Variants in ARHGEF18 observed in about 807,000 individuals in gnomAD.
ARHGEF18 encodes the protein rho guanine nucleotide exchange factor 18.
ARHGEF18 carries 93 observed loss-of-function variants against 155.7 expected under a neutral mutation model. That is an observed-to-expected ratio of 0.60 (90% CI 0.50 to 0.71). The LOEUF is 0.71. Among genes scored for constraint, ARHGEF18 ranks in the 30% least tolerant of loss-of-function variants. The pLI is 0.00. For synonymous variants in ARHGEF18, 742 were observed against 753.1 expected, an observed-to-expected ratio of 0.99 and a Z score of 0.24; for missense variants, 1,593 against 1,816.1, an observed-to-expected ratio of 0.88 and a Z score of 2.23.
chr19:7,446,911 AGAAG>A (rs1401309385), intron 14 of ARHGEF18, 128 bp from the exon 15 acceptor site: 14 of 856,908 alleles, frequency 1.6e-5, no homozygotes, highest in Admixed American at 3.9e-5. Flanking sequence ...AAAAAAAAAA[AGAAG>A]AAGAAAGAAA....
At chr19:7,433,241 T>C (rs1030370494) in intron 10 of ARHGEF18, among the ~76,000 whole-genome samples, 3 of 148,992 alleles carry the variant, frequency 2.0e-5, no homozygotes, top group South Asian at 4.3e-4. Context: ...CCAAGGCGGG[T>C]GGATCACCTG....
At chr19:7,443,055 ATTTTTTTT>A (rs10600280) in intron 13 of ARHGEF18, among the ~76,000 whole-genome samples, 4 of 81,190 alleles carry the variant, frequency 4.9e-5, no homozygotes, top group Admixed American at 2.9e-4. Flanking sequence ...TGCCCAGCTA[ATTTTTTTT>A]TTTTTTTTTT....
chr19:7,385,181 G>C (rs1970935680), intron 10 of ARHGEF18, among the ~76,000 whole-genome samples: 1 of 152,202 alleles, frequency 6.6e-6, no homozygotes, highest in Non-Finnish European at 1.5e-5. Flanking sequence ...TAAAGCCAGA[G>C]GTCTAGAACC....
At chr19:7,460,062 C>A in intron 20 of ARHGEF18, 68 bp downstream of exon 20, 1 of 1,455,708 alleles carries the variant, frequency 6.9e-7, no homozygotes. Context: ...TCAGGACTGG[C>A]CACAGAGGGT....
Position 7,439,636 on chromosome 19 carries a change from C to T in ARHGEF18, c.968-708C>T, listed in dbSNP as rs984610112. ...CATATGGAACAGAATCGGAGCCTCG[C>T]GTCCACTTCGATGCTAGAATTCTGT... On this transcript the variant is annotated intron_variant, in intron 10 of 28. Transcript: ENST00000668164. 12 of 1,095,424 alleles carry T rather than the reference C, an allele frequency of 1.1e-5. No individual in the cohort carries two copies. In the East Asian group the frequency reaches 1.8e-4, roughly 16 times the overall value. 67.9% of individuals were successfully genotyped at this position (1,095,424 alleles called of 1,614,324 possible).
intron 1 of ARHGEF18, among the ~76,000 whole-genome samples, chr19:7,352,856 A>ATTTT (rs1969193665): frequency 4.5e-4 from 1 of 2,218 alleles, no homozygotes. Context: ...TTTTTTTTTG[A>ATTTT]CATAGACTCT....
In ARHGEF18 at chr19:7,470,139, C is replaced by T. The variant is rs775197129; in HGVS notation, c.3927C>T (p.Pro1309=). 9 of 1,612,140 alleles carry T rather than the reference C, an allele frequency of 5.6e-6. No homozygotes were observed. In the East Asian group the frequency reaches 8.9e-5, roughly 16 times the overall value. Residue 1309 remains proline (P), a synonymous_variant, in exon 29 of 29, where the codon CCC becomes CCT. Coordinates refer to ENST00000668164, the MANE Select transcript of ARHGEF18 (RefSeq NM_001367823.1). This position sits in a 1 kb window ranked among gnomAD's most constrained non-coding sequence, Gnocchi z 5.9. Reference sequence around the variant, plus strand: ...TCTCTGTTCCAGACCCTGGCTTCCCCGCCCCGAGCCCACCGCCAGCTGACA... The same window carrying T: ...TCTCTGTTCCAGACCCTGGCTTCCCTGCCCCGAGCCCACCGCCAGCTGACA... ...SPAPPPDPGF[P]APSPPPADSP...
chr19:7,458,469 G>A (rs1003713225), intron 18 of ARHGEF18, 43 bp from the exon 19 acceptor site: 61 of 1,585,942 alleles, frequency 3.8e-5, no homozygotes, highest in Non-Finnish European at 4.9e-5. Context: ...TTTGGGTGCT[G>A]TGGGGTAAAG....
Position 7,440,254 on chromosome 19 carries a change from G to A in ARHGEF18, c.968-90G>A. 2 of 1,554,120 alleles carry A rather than the reference G, an allele frequency of 1.3e-6. No individual in the cohort carries two copies. Among genetic ancestry groups the A allele is most frequent in the Non-Finnish European group, 1.7e-6 (2 of 1,148,486 alleles). On this transcript the variant is annotated intron_variant, in intron 10 of 28. Coordinates refer to ENST00000668164, the MANE Select transcript of ARHGEF18 (RefSeq NM_001367823.1). The surrounding 1 kb of genome is among the most constrained non-coding windows in gnomAD (Gnocchi z 5.4). ...ACCTCCAAGATCCTGTCTGTGCTGC[G>A]GCCGCAGTCGGAGCGGGGCTTCCGC...
chr19:7,415,148 C>T (rs1972928101), intron 10 of ARHGEF18, among the ~76,000 whole-genome samples: 2 of 152,190 alleles, frequency 1.3e-5, no homozygotes, highest in African/African-American at 4.8e-5. Context: ...GACCCAAGGA[C>T]CTTAGTTCCA....
chr19:7,407,385 C>T (rs1972381317), intron 10 of ARHGEF18, among the ~76,000 whole-genome samples: 1 of 150,720 alleles, frequency 6.6e-6, no homozygotes, highest in African/African-American at 2.5e-5. Flanking sequence ...GAGATTGAGC[C>T]ACTGTACCCC....
At chr19:7,439,788 C>T in intron 10 of ARHGEF18, 2 of 1,420,194 alleles carry the variant, frequency 1.4e-6, no homozygotes. Context: ...GCACGCCAGG[C>T]TCACCGTTTC....
rs1976402010 is a variant in ARHGEF18 at position 7,463,260 on chromosome 19, C to T, written c.2636-558C>T. On this transcript the variant is annotated intron_variant, in intron 21 of 28. Transcript: ENST00000668164. The surrounding 1 kb of genome is among the most constrained non-coding windows in gnomAD (Gnocchi z 5.2). ...TCCAGGCCCACTGACATCCTTCCAC[C>T]CGGCTCCAGTGGCCATTGTTCTTGG... Among the ~76,000 whole-genome samples, 2 of 152,300 alleles carry T rather than the reference C, an allele frequency of 1.3e-5. No homozygotes were observed. The highest frequency in any genetic ancestry group is 2.1e-4 in the South Asian group (1 of 4,826).
chr19:7,466,833 A>AT, intron 23 of ARHGEF18, 85 bp from the exon 24 acceptor site: 1 of 1,051,456 alleles, frequency 9.5e-7, no homozygotes, highest in Admixed American at 2.7e-5. Flanking sequence ...AAAAGTTAAA[A>AT]AAAAAGAAGA....
rs1225109593 is a variant in ARHGEF18, at chr19:7,416,678, C to G, written c.968-23666C>G. 4.0e-5 allele frequency among the ~76,000 whole-genome samples: 6 copies of G among 149,016 alleles called. 1 individual carries two copies. The East Asian group carries it at 1.2e-3, about 30-fold the overall frequency. ...AGTGCAGTGGCACGATCTTGGCTCA[C>G]TGCAAACTCTGCCTCCCGGGTTCAC... On this transcript the variant is annotated intron_variant, in intron 10 of 28. Transcript: ENST00000668164.
intron 10 of ARHGEF18, among the ~76,000 whole-genome samples, chr19:7,408,266 G>C (rs1049009251): frequency 2.0e-5 from 3 of 152,136 alleles, no homozygotes; most frequent in African/African-American, 7.2e-5. Context: ...GATAAAGTGA[G>C]ACCCTGTTTC....
intron 10 of ARHGEF18, among the ~76,000 whole-genome samples, chr19:7,389,618 C>T (rs1009988469): frequency 2.2e-4 from 33 of 151,544 alleles, no homozygotes; most frequent in African/African-American, 8.0e-4. Flanking sequence ...ACTGCAACCT[C>T]CACCTCCTGG....
intron 3 of ARHGEF18, among the ~76,000 whole-genome samples, chr19:7,375,387 G>GAAGAAAGGAAGA: frequency 6.9e-6 from 1 of 144,468 alleles, no homozygotes; most frequent in East Asian, 2.0e-4. Flanking sequence ...GAAAGAAAAG[G>GAAGAAAGGAAGA]AAGGAAGGAA....
Position 7,463,809 on chromosome 19 carries a change from C to G in ARHGEF18, c.2636-9C>G. 1.2e-6 allele frequency: 2 copies of G among 1,603,104 alleles called. No homozygotes were observed. Among genetic ancestry groups the G allele is most frequent in the Admixed American group, 3.4e-5 (2 of 58,588 alleles). ...GCGACCCGTGCCTCCTGTCCCCTTC[C>G]TTCCACAGTCGAGGGCATCCAGAGC... On this transcript the variant is annotated splice_polypyrimidine_tract_variant and intron_variant, in intron 21 of 28. Coordinates refer to ENST00000668164, the MANE Select transcript of ARHGEF18 (RefSeq NM_001367823.1). This position sits in a 1 kb window ranked among gnomAD's most constrained non-coding sequence, Gnocchi z 5.2.
Sources: allele counts gnomAD v4.1 joint callset (sites outside exome capture counted in the v4.1 genomes callset), GRCh38; gene constraint gnomAD v4.1.1; non-coding constraint Gnocchi (gnomAD v3.1); transcripts MANE v1.5; gene names NCBI Gene and HGNC (gene_info 2026-07-23, HGNC 2026-07-21).